MINDY2: variants seen among roughly 807,000 people sequenced by gnomAD.
MINDY2 encodes the protein MINDY lysine 48 deubiquitinase 2, also known as ubiquitin carboxyl-terminal hydrolase MINDY-2.
MINDY2 carries 52 observed loss-of-function variants against 68.2 expected under a neutral mutation model. The ratio of observed to expected loss-of-function variants is 0.76; its 90% CI spans 0.61 to 0.96. The LOEUF (loss-of-function observed/expected upper bound fraction) is 0.96, where lower values mean the gene tolerates loss of function less well. Ranked by LOEUF, MINDY2 falls within the 40% of genes least tolerant of loss-of-function variation. MINDY2 has a pLI of 0.00. For missense variants in MINDY2, 881 were observed against 773.4 expected, an observed-to-expected ratio of 1.14 and a Z score of -1.65; for synonymous variants, 372 against 303.0, an observed-to-expected ratio of 1.23 and a Z score of -2.36.
chr15:58,857,417 C>T lies in MINDY2; in HGVS notation c.*2807C>T, dbSNP rs1292634378. ...GGCATGGTGGCGGGCACCTGTCATC[C>T]CAGCTACTTGGGAGGCTGAGGCAGG... On this transcript the variant is annotated 3_prime_UTR_variant, in exon 9 of 9. Transcript: ENST00000559228. 6.6e-6 allele frequency: 1 copy of T among 151,710 alleles called. No homozygotes were observed. Among genetic ancestry groups the T allele is most frequent in the African/African-American group, 2.4e-5 (1 of 41,260 alleles). 9.4% of individuals were successfully genotyped at this position (151,710 alleles called of 1,614,324 possible).
At position 58,771,963 on chromosome 15, in the gene MINDY2, G is replaced by A. The variant is rs1443009005; in HGVS notation, c.568G>A (p.Glu190Lys). The A allele has an allele frequency of 1.9e-6, 3 of 1,563,022 alleles. No homozygotes were observed. The highest frequency in any genetic ancestry group is 2.7e-5 in the African/African-American group (2 of 73,224). Residue 190 changes from glutamate to lysine, a missense_variant, in exon 1 of 9, where the codon GAG (glutamate) becomes AAG (lysine). Coordinates refer to ENST00000559228, the MANE Select transcript of MINDY2 (RefSeq NM_001040450.3). ...SNLHSFPSSC[E>K]FNSEEGAENR... ...CCTGCATTCTTTTCCCAGTAGCTGC[G>A]AGTTCAATAGTGAGGAGGGAGCGGA...
chr15:58,831,689 C>T, intron 5 of MINDY2, 85 bp from the exon 6 acceptor site: 2 of 1,267,268 alleles, frequency 1.6e-6, no homozygotes, highest in Non-Finnish European at 2.2e-6. Flanking sequence ...TTTTTCCATA[C>T]TTGGAACACA....
intron 6 of MINDY2, among the ~76,000 whole-genome samples, 200 bp from the exon 7 acceptor site, chr15:58,847,097 C>A: frequency 6.6e-6 from 1 of 152,104 alleles, no homozygotes; most frequent in East Asian, 1.9e-4. Context: ...TGTAGTGTGC[C>A]AATTATAAAC....
At chr15:58,835,153 A>G (rs1226633349) in intron 6 of MINDY2, among the ~76,000 whole-genome samples, 1 of 152,184 alleles carries the variant, frequency 6.6e-6, no homozygotes, top group Non-Finnish European at 1.5e-5. Flanking sequence ...GTTTTTGCCT[A>G]TTAAGGACCT....
chr15:58,780,993 TGCTGAGCTTCTTAAATATAAATA>T (rs1901100848), intron 1 of MINDY2, among the ~76,000 whole-genome samples: 1 of 152,204 alleles, frequency 6.6e-6, no homozygotes, highest in South Asian at 2.1e-4. Context: ...CTAGTAAGCT[TGCTGAGCTTCTTAAATATAAATA>T]GTGAATTCTG....
At chr15:58,848,381 G>A (rs943570230) in intron 7 of MINDY2, among the ~76,000 whole-genome samples, 4 of 152,136 alleles carry the variant, frequency 2.6e-5, no homozygotes, top group Non-Finnish European at 5.9e-5. Context: ...AGGGAAGGCA[G>A]ATATTTGACC....
intron 7 of MINDY2, 130 bp downstream of exon 7, chr15:58,847,600 T>A: frequency 1.5e-6 from 1 of 679,564 alleles, no homozygotes; most frequent in Admixed American, 2.9e-5. Flanking sequence ...TGACACTTCC[T>A]GAATAGTTGG....
rs1595742811 is a variant in MINDY2 at position 58,815,065 on chromosome 15, T to C, written c.1122+4677T>C. ...TAGTTCTTTATTTTCTATTAAGAGTTTTATAGTTTTAGCACTTACATTTAT... is the reference window on the plus strand; with the variant it reads ...TAGTTCTTTATTTTCTATTAAGAGTCTTATAGTTTTAGCACTTACATTTAT... On this transcript the variant is annotated intron_variant, in intron 4 of 8. Transcript: ENST00000559228. Among the ~76,000 whole-genome samples, 5 of 152,320 alleles carry C rather than the reference T, an allele frequency of 3.3e-5. No individual in the cohort carries two copies. The East Asian group carries it at 9.6e-4, about 29-fold the overall frequency.
At chr15:58,824,051 A>G (rs1283172430) in intron 5 of MINDY2, among the ~76,000 whole-genome samples, 1 of 152,234 alleles carries the variant, frequency 6.6e-6, no homozygotes, top group African/African-American at 2.4e-5. Flanking sequence ...GGTAACAGAC[A>G]GAATGCTAGC....
intron 1 of MINDY2, among the ~76,000 whole-genome samples, chr15:58,778,272 T>G (rs1268881937): frequency 6.6e-6 from 1 of 152,182 alleles, no homozygotes; most frequent in Non-Finnish European, 1.5e-5. Context: ...GAAAAATGAA[T>G]GCACTAATTT....
In MINDY2 at chr15:58,859,064, A is replaced by G. The variant is rs573632353; in HGVS notation, c.*4454A>G. 7 of 152,242 alleles carry G rather than the reference A, an allele frequency of 4.6e-5. No individual in the cohort carries two copies. Among genetic ancestry groups the G allele is most frequent in the Admixed American group, 1.3e-4 (2 of 15,294 alleles). The allele number at this position is 152,242 out of a possible 1,614,324, so 9.4% of individuals were successfully genotyped here. ...CTTGAATGTGCACACTTTTTTCTCA[A>G]TAACAAAATATATCTTAAGTCAGTT... On this transcript the variant is annotated 3_prime_UTR_variant, in exon 9 of 9. Transcript: ENST00000559228.
Position 58,795,373 on chromosome 15 carries a change from T to C in MINDY2, c.899-6940T>C, listed in dbSNP as rs546120620. ...GTCCTAATGGCTCACTTCAGGACAT[T>C]TTAATACTGTAGATATATAGTATGT... On this transcript the variant is annotated intron_variant, in intron 2 of 8. Coordinates refer to ENST00000559228, the MANE Select transcript of MINDY2 (RefSeq NM_001040450.3). Among the ~76,000 whole-genome samples the C allele has an allele frequency of 2.0e-5, 3 of 152,154 alleles. No homozygotes were observed. The East Asian group carries it at 5.8e-4, about 29-fold the overall frequency.
rs1339546555 is a variant in MINDY2 at position 58,773,865 on chromosome 15, G to C, written c.840+1630G>C. ...GTGTTTATATGTTTATTACATGACA[G>C]AAGTGGTAAGCTAATGTTGGAGAAT... On this transcript the variant is annotated intron_variant, in intron 1 of 8. Coordinates refer to ENST00000559228, the MANE Select transcript of MINDY2 (RefSeq NM_001040450.3). Among the ~76,000 whole-genome samples, 4 of 152,188 alleles carry C rather than the reference G, an allele frequency of 2.6e-5. No homozygotes were observed. In the East Asian group the frequency reaches 7.7e-4, roughly 29 times the overall value.
chr15:58,827,161 A>C (rs2141011142), intron 5 of MINDY2, among the ~76,000 whole-genome samples: 1 of 152,316 alleles, frequency 6.6e-6, no homozygotes, highest in African/African-American at 2.4e-5. Context: ...TGATGTTCAA[A>C]TATGATAAGA....
At chr15:58,772,990 G>GT (rs1391789434) in intron 1 of MINDY2, among the ~76,000 whole-genome samples, 1 of 152,188 alleles carries the variant, frequency 6.6e-6, no homozygotes, top group Admixed American at 6.5e-5. Flanking sequence ...TTAAAAATAG[G>GT]TATGTTGAGG....
intron 1 of MINDY2, among the ~76,000 whole-genome samples, chr15:58,781,918 A>AG (rs1343071293): frequency 6.6e-6 from 1 of 152,132 alleles, no homozygotes; most frequent in Non-Finnish European, 1.5e-5. Flanking sequence ...GAAAAAAAAA[A>AG]GAAAGAAATA....
intron 5 of MINDY2, 83 bp downstream of exon 5, chr15:58,821,902 T>A: frequency 1.2e-6 from 1 of 861,980 alleles, no homozygotes; most frequent in Non-Finnish European, 1.7e-6. Context: ...TCAAATTTCT[T>A]AAATAAGACT....
Position 58,851,960 on chromosome 15 carries a change from G to A in MINDY2, c.1732G>A (p.Ala578Thr), listed in dbSNP as rs377286510. The change falls in exon 8 of 9, where the codon GCT becomes ACT. Residue 578 changes from alanine to threonine, a missense_variant. By Grantham distance (58) the Ala-to-Thr change is moderately conservative (BLOSUM62 0). Transcript: ENST00000559228. The part of the protein sequence containing the change: ...AAAAAAASTQ[A>T]QQGQPAQASP... Reference sequence around the variant, plus strand: ...TGCTGCTGCTGCTGCTTCTACACAGGCTCAGGTAAAAACTAGTGTTTTGAG... The same window carrying A: ...TGCTGCTGCTGCTGCTTCTACACAGACTCAGGTAAAAACTAGTGTTTTGAG... The A allele has an allele frequency of 6.3e-7, 1 of 1,579,212 alleles. No individual in the cohort carries two copies.
At chr15:58,783,204 A>C (rs1901273760) in intron 1 of MINDY2, among the ~76,000 whole-genome samples, 1 of 152,040 alleles carries the variant, frequency 6.6e-6, no homozygotes, top group African/African-American at 2.4e-5. Context: ...TACAGGAGTG[A>C]CCGACTCTGC....
Sources: allele counts gnomAD v4.1 joint callset (sites outside exome capture counted in the v4.1 genomes callset), GRCh38; gene constraint gnomAD v4.1.1; transcripts MANE v1.5; gene names NCBI Gene and HGNC (gene_info 2026-07-23, HGNC 2026-07-21).